The following FBXL17 variants were observed in gnomAD, a reference collection of about 807,000 sequenced individuals.
FBXL17 encodes F-box/LRR-repeat protein 17.
In FBXL17, 22 loss-of-function variants were observed where a neutral mutation model predicts 66.2. That is an observed-to-expected ratio of 0.33 (90% CI 0.24 to 0.47). The LOEUF is 0.47. Among genes scored for constraint, FBXL17 ranks in the 20% least tolerant of loss-of-function variants. The probability of loss-of-function intolerance (pLI) is 1.00; values close to 1 mark genes in which losing one functional copy is unlikely to be tolerated. For synonymous variants in FBXL17, 474 were observed against 400.5 expected (o/e 1.18, Z -2.19); for missense variants, 878 against 948.2 (o/e 0.93, Z 0.97).
At chr5:108,066,259 T>C (rs910086283) in intron 6 of FBXL17, among the ~76,000 whole-genome samples, 6 of 152,268 alleles carry the variant, frequency 3.9e-5, no homozygotes, top group Middle Eastern at 3.4e-3. Flanking sequence ...TGGCACTATG[T>C]TGGCTTAAAG....
At chr5:107,954,086 C>G (rs1751584889) in intron 7 of FBXL17, among the ~76,000 whole-genome samples, 1 of 152,090 alleles carries the variant, frequency 6.6e-6, no homozygotes, top group Admixed American at 6.6e-5. Context: ...TGACATATCT[C>G]TAAAACATGA....
chr5:107,896,754 C>T (rs1749397862), intron 7 of FBXL17, among the ~76,000 whole-genome samples: 1 of 152,094 alleles, frequency 6.6e-6, no homozygotes, highest in Admixed American at 6.6e-5. Flanking sequence ...AGTTGCCTGC[C>T]ATACCAGAAT....
chr5:107,984,062 C>T (rs1752927371), intron 7 of FBXL17, among the ~76,000 whole-genome samples: 2 of 152,088 alleles, frequency 1.3e-5, no homozygotes, highest in Admixed American at 1.3e-4. Flanking sequence ...TCTTTATATT[C>T]TATTAATTTC....
At chr5:108,095,616 TAAC>T (rs779530465) in intron 6 of FBXL17, among the ~76,000 whole-genome samples, 5 of 152,242 alleles carry the variant, frequency 3.3e-5, no homozygotes, top group Non-Finnish European at 5.9e-5. Flanking sequence ...CAACAAATCT[TAAC>T]AATATTTGGT....
intron 7 of FBXL17, among the ~76,000 whole-genome samples, chr5:108,016,182 G>C (rs956475838): frequency 6.6e-6 from 1 of 152,134 alleles, no homozygotes; most frequent in African/African-American, 2.4e-5. Context: ...CTTTTGCCCA[G>C]AGCAATTCAA....
At chr5:108,279,471 C>G (rs1757616635) in intron 4 of FBXL17, among the ~76,000 whole-genome samples, 1 of 151,820 alleles carries the variant, frequency 6.6e-6, no homozygotes, top group South Asian at 2.1e-4. Flanking sequence ...TATTCACAAT[C>G]ACACACAGAC....
intron 7 of FBXL17, among the ~76,000 whole-genome samples, chr5:107,944,809 A>C (rs1222530549): frequency 2.0e-5 from 3 of 152,128 alleles, no homozygotes; most frequent in Non-Finnish European, 4.4e-5. Flanking sequence ...TAAAAGATCT[A>C]AATATAAAAA....
intron 4 of FBXL17, among the ~76,000 whole-genome samples, chr5:108,272,147 C>T (rs1292547094): frequency 6.6e-6 from 1 of 151,792 alleles, no homozygotes; most frequent in East Asian, 2.0e-4. Flanking sequence ...ACAAATTAGC[C>T]GCGTGTTGTG....
intron 7 of FBXL17, among the ~76,000 whole-genome samples, chr5:107,893,683 T>A (rs1015523018): frequency 6.6e-6 from 1 of 152,200 alleles, no homozygotes; most frequent in Non-Finnish European, 1.5e-5. Context: ...CCAAGTGATT[T>A]TGATACATAG....
At chr5:107,924,462 T>C (rs1750431898) in intron 7 of FBXL17, among the ~76,000 whole-genome samples, 1 of 152,202 alleles carries the variant, frequency 6.6e-6, no homozygotes, top group Non-Finnish European at 1.5e-5. Context: ...GTCAAATTAA[T>C]CATCATTAAT....
chr5:107,878,018 C>T (rs1748664154), intron 8 of FBXL17, among the ~76,000 whole-genome samples: 1 of 152,062 alleles, frequency 6.6e-6, no homozygotes, highest in Non-Finnish European at 1.5e-5. Context: ...TTCAACTCAC[C>T]CTTTTCTCCC....
intron 6 of FBXL17, among the ~76,000 whole-genome samples, chr5:108,078,844 G>A (rs568270365): frequency 7.2e-5 from 11 of 152,258 alleles, no homozygotes; most frequent in African/African-American, 2.6e-4. Context: ...TACGGGGTTA[G>A]GTAATCACTG....
intron 6 of FBXL17, among the ~76,000 whole-genome samples, chr5:108,049,306 C>G (rs1747382247): frequency 6.6e-6 from 1 of 151,842 alleles, no homozygotes; most frequent in African/African-American, 2.4e-5. Context: ...CCACACCCAG[C>G]TAATTTTTTT....
At chr5:108,007,170 T>C (rs1431322156) in intron 7 of FBXL17, among the ~76,000 whole-genome samples, 1 of 152,244 alleles carries the variant, frequency 6.6e-6, no homozygotes, top group East Asian at 1.9e-4. Flanking sequence ...GTATGACTAC[T>C]GGCAGAAAGC....
chr5:108,158,605 TA>T, intron 6 of FBXL17, among the ~76,000 whole-genome samples: 1 of 151,310 alleles, frequency 6.6e-6, no homozygotes, highest in Middle Eastern at 3.4e-3. Context: ...ATTTAAACAT[TA>T]AAAAAATAGA....
At chr5:108,090,041 C>A (rs1433532986) in intron 6 of FBXL17, among the ~76,000 whole-genome samples, 2 of 152,080 alleles carry the variant, frequency 1.3e-5, no homozygotes, top group Non-Finnish European at 2.9e-5. Context: ...TTGATCAAGG[C>A]TGGTCTTGAA....
chr5:108,251,048 A>C (rs1206228501), intron 4 of FBXL17, among the ~76,000 whole-genome samples: 1 of 152,110 alleles, frequency 6.6e-6, no homozygotes, highest in East Asian at 1.9e-4. Flanking sequence ...ATACTTCAAC[A>C]AATATCCTTG....
chr5:108,376,471 C>T (rs1007163046), intron 1 of FBXL17, among the ~76,000 whole-genome samples: 2 of 152,186 alleles, frequency 1.3e-5, no homozygotes, highest in African/African-American at 4.8e-5. Context: ...TAAGAAAGCA[C>T]TTCCATTTAT....
chr5:108,347,089 A>G (rs1417304989), intron 4 of FBXL17, among the ~76,000 whole-genome samples: 1 of 152,188 alleles, frequency 6.6e-6, no homozygotes, highest in Non-Finnish European at 1.5e-5. Flanking sequence ...GGAAAATGTT[A>G]TGAGAAATGT....
Sources: allele counts gnomAD v4.1 joint callset (sites outside exome capture counted in the v4.1 genomes callset), GRCh38; gene constraint gnomAD v4.1.1; transcripts MANE v1.5; gene names NCBI Gene and HGNC (gene_info 2026-07-23, HGNC 2026-07-21).